Variants in KIRREL3 observed in about 807,000 individuals in gnomAD.
KIRREL3 encodes the protein kin of IRRE-like protein 3.
KIRREL3 carries 36 observed loss-of-function variants against 89.7 expected under a neutral mutation model. The ratio of observed to expected loss-of-function variants is 0.40; its 90% CI spans 0.31 to 0.53. The LOEUF (loss-of-function observed/expected upper bound fraction) is 0.53. Among genes scored for constraint, KIRREL3 ranks in the 20% least tolerant of loss-of-function variants. KIRREL3 has a pLI of 0.49. For missense variants in KIRREL3, 864 were observed against 1,056.6 expected (o/e 0.82, Z 2.53); for synonymous variants, 445 against 441.4 (o/e 1.01, Z -0.10).
At chr11:126,784,409 G>A (rs1378319747) in intron 1 of KIRREL3, among the ~76,000 whole-genome samples, 1 of 152,090 alleles carries the variant, frequency 6.6e-6, no homozygotes, top group East Asian at 1.9e-4. Flanking sequence ...TTTTAAAAGG[G>A]CACTGCTAGA....
Position 126,428,659 on chromosome 11 carries a change from G to A in KIRREL3, c.1806+520C>T, listed in dbSNP as rs1365986548. 1.3e-5 allele frequency among the ~76,000 whole-genome samples: 2 copies of A among 152,090 alleles called. No homozygotes were observed. Among genetic ancestry groups the A allele is most frequent in the Non-Finnish European group, 2.9e-5 (2 of 68,028 alleles). On this transcript the variant is annotated intron_variant, in intron 15 of 16. Coordinates refer to ENST00000525144, the MANE Select transcript of KIRREL3 (RefSeq NM_032531.4). This position sits in a 1 kb window ranked among gnomAD's most constrained non-coding sequence, Gnocchi z 6.4. Reference sequence around the variant, plus strand: ...GGTAGACTGCATTTTTGTTGTTGTTGTTGTTTTGAGATGGAGTCTCGCTCT... The same window carrying A: ...GGTAGACTGCATTTTTGTTGTTGTTATTGTTTTGAGATGGAGTCTCGCTCT...
chr11:126,972,926 T>C (rs1178730737), intron 1 of KIRREL3, among the ~76,000 whole-genome samples: 1 of 152,126 alleles, frequency 6.6e-6, no homozygotes, highest in Non-Finnish European at 1.5e-5. Context: ...ACGAACAATG[T>C]GCTGCTCTGG....
rs141370397 is a variant in KIRREL3, at chr11:126,729,290, T to C, written c.56-166378A>G. On this transcript the variant is annotated intron_variant, in intron 1 of 16. Coordinates refer to ENST00000525144, the MANE Select transcript of KIRREL3 (RefSeq NM_032531.4). The surrounding 1 kb of genome is among the most constrained non-coding windows in gnomAD (Gnocchi z 4.5). ...AAGCACGCTGGCTTAACAACAAATCTAATTCTTTTAGGGAAAAGAGGTAGT... is the reference window on the plus strand; with the variant it reads ...AAGCACGCTGGCTTAACAACAAATCCAATTCTTTTAGGGAAAAGAGGTAGT... Among the ~76,000 whole-genome samples the C allele has an allele frequency of 4.5e-4, 68 of 152,296 alleles. 1 individual carries two copies. The highest frequency in any genetic ancestry group is 1.0e-3 in the South Asian group (5 of 4,824).
intron 12 of KIRREL3, 80 bp from the exon 13 acceptor site, chr11:126,435,383 GC>G: frequency 1.4e-6 from 2 of 1,445,110 alleles, no homozygotes; most frequent in Non-Finnish European, 1.9e-6. Flanking sequence ...AGCTGCTTGA[GC>G]GGGGCTGGGT....
At chr11:126,617,635 T>G (rs1781438323) in intron 1 of KIRREL3, among the ~76,000 whole-genome samples, 1 of 152,224 alleles carries the variant, frequency 6.6e-6, no homozygotes, top group African/African-American at 2.4e-5. Flanking sequence ...TGCCATTTAT[T>G]GAGTTCCTAC....
rs138589813 is a variant in KIRREL3, at chr11:126,611,593, C to T, written c.56-48681G>A. On this transcript the variant is annotated intron_variant, in intron 1 of 16. Coordinates refer to ENST00000525144, the MANE Select transcript of KIRREL3 (RefSeq NM_032531.4). The surrounding 1 kb of genome is among the most constrained non-coding windows in gnomAD (Gnocchi z 4.7). ...CCTGAGGTGTCGTGAGGGCAATGGCCTGCAGAGTCCAAAGGTGGCTGTCAT... is the reference window on the plus strand; with the variant it reads ...CCTGAGGTGTCGTGAGGGCAATGGCTTGCAGAGTCCAAAGGTGGCTGTCAT... Among the ~76,000 whole-genome samples the T allele has an allele frequency of 1.3e-5, 2 of 152,290 alleles. No individual in the cohort carries two copies. The highest frequency in any genetic ancestry group is 4.8e-5 in the African/African-American group (2 of 41,576).
rs987742223 is a variant in KIRREL3 at position 126,994,577 on chromosome 11, C to T, written c.55+5878G>A. ...AAATTGCAGTGATATAAAGGAAACA[C>T]TTATCCAATATTGACATTTACCAAC... On this transcript the variant is annotated intron_variant, in intron 1 of 16. Coordinates refer to ENST00000525144, the MANE Select transcript of KIRREL3 (RefSeq NM_032531.4). The surrounding 1 kb of genome is among the most constrained non-coding windows in gnomAD (Gnocchi z 5.2). 6.6e-6 allele frequency among the ~76,000 whole-genome samples: 1 copy of T among 152,174 alleles called. No homozygotes were observed. Among genetic ancestry groups the T allele is most frequent in the African/African-American group, 2.4e-5 (1 of 41,440 alleles).
chr11:126,536,865 G>A (rs999867333), intron 2 of KIRREL3, among the ~76,000 whole-genome samples: 3 of 151,986 alleles, frequency 2.0e-5, no homozygotes, highest in African/African-American at 7.3e-5. Context: ...GGCCAGTCTC[G>A]AACTCCTGAC....
At chr11:126,450,914 TCCAC>T (rs1336598843) in intron 7 of KIRREL3, among the ~76,000 whole-genome samples, 4 of 149,372 alleles carry the variant, frequency 2.7e-5, no homozygotes, top group Admixed American at 2.0e-4. Flanking sequence ...TGCGTGTGTG[TCCAC>T]GTGCATGTGT....
chr11:126,804,000 G>A (rs1951123414), intron 1 of KIRREL3, among the ~76,000 whole-genome samples: 1 of 152,192 alleles, frequency 6.6e-6, no homozygotes, highest in Non-Finnish European at 1.5e-5. Context: ...GGCCTTTGTG[G>A]TTATGCATGT....
intron 1 of KIRREL3, among the ~76,000 whole-genome samples, chr11:126,756,050 C>T (rs998307114): frequency 3.9e-5 from 6 of 152,126 alleles, no homozygotes; most frequent in African/African-American, 1.4e-4. Flanking sequence ...TTGAGAGTGG[C>T]AGCTTTAGAC....
At chr11:126,663,749 G>T (rs1206458123) in intron 1 of KIRREL3, among the ~76,000 whole-genome samples, 3 of 152,234 alleles carry the variant, frequency 2.0e-5, no homozygotes, top group Non-Finnish European at 4.4e-5. Context: ...GCATCCTGGA[G>T]CCAGTTACAG....
At chr11:126,942,354 A>G (rs1207094855) in intron 1 of KIRREL3, among the ~76,000 whole-genome samples, 2 of 152,178 alleles carry the variant, frequency 1.3e-5, no homozygotes, top group Non-Finnish European at 2.9e-5. Context: ...CATCATCATC[A>G]TGAAAAACAT....
intron 1 of KIRREL3, among the ~76,000 whole-genome samples, chr11:126,670,539 A>T (rs1355975440): frequency 6.6e-6 from 1 of 152,238 alleles, no homozygotes; most frequent in African/African-American, 2.4e-5. Context: ...TAACATAATT[A>T]TCTACATAAA....
chr11:126,532,392 T>A (rs1006144193), intron 2 of KIRREL3, among the ~76,000 whole-genome samples: 1 of 127,566 alleles, frequency 7.8e-6, no homozygotes, highest in East Asian at 2.1e-4. Flanking sequence ...TTATTTATTT[T>A]GAGACGGAGT....
chr11:126,510,662 G>A (rs1246400689), intron 4 of KIRREL3, among the ~76,000 whole-genome samples: 3 of 152,194 alleles, frequency 2.0e-5, no homozygotes, highest in East Asian at 3.9e-4. Context: ...TAGATATTTG[G>A]GAGGGACCCT....
Position 126,734,383 on chromosome 11 carries a change from G to T in KIRREL3, c.56-171471C>A, listed in dbSNP as rs115692179. Among the ~76,000 whole-genome samples the T allele has an allele frequency of 7.9e-3, 1,206 of 152,180 alleles. 28 individuals are homozygous for T. The highest frequency in any genetic ancestry group is 0.028 in the African/African-American group (1,169 of 41,494). ...CATTTGTTTACTTAAGAAATATTTG[G>T]CCAGGCGCGGTGGCTCATGCATGTA... On this transcript the variant is annotated intron_variant, in intron 1 of 16. Transcript: ENST00000525144. This position sits in a 1 kb window ranked among gnomAD's most constrained non-coding sequence, Gnocchi z 5.9.
rs181523136 is a variant in KIRREL3, at chr11:126,812,902, C to T, written c.55+187553G>A. Among the ~76,000 whole-genome samples, 11 of 152,300 alleles carry T rather than the reference C, an allele frequency of 7.2e-5. No homozygotes were observed. The East Asian group carries it at 1.7e-3, about 24-fold the overall frequency. On this transcript the variant is annotated intron_variant, in intron 1 of 16. Coordinates refer to ENST00000525144, the MANE Select transcript of KIRREL3 (RefSeq NM_032531.4). The surrounding 1 kb of genome is among the most constrained non-coding windows in gnomAD (Gnocchi z 5.2). ...GGAATCTGCGCACCTCTGCTGTGAC[C>T]GGGAAGCTGGGCTCTCATTGGAGGT...
chr11:126,733,040 G>C (rs538414341), intron 1 of KIRREL3, among the ~76,000 whole-genome samples: 107 of 152,340 alleles, frequency 7.0e-4, no homozygotes, highest in Middle Eastern at 3.4e-3. Flanking sequence ...GGGTTCTGAA[G>C]GCAGCTTGAG....
Sources: gnomAD v4.1 joint callset for allele counts (sites outside exome capture counted in the v4.1 genomes callset) on GRCh38, gnomAD v4.1.1 for gene constraint, Gnocchi (gnomAD v3.1) non-coding constraint, MANE v1.5 for transcripts, NCBI Gene and HGNC (gene_info 2026-07-23, HGNC 2026-07-21) for gene names.